Variants in ABHD2 observed in about 807,000 individuals in gnomAD.
ABHD2 encodes monoacylglycerol lipase ABHD2.
In ABHD2, 20 loss-of-function variants were observed where a neutral mutation model predicts 48.1. The ratio of observed to expected loss-of-function variants is 0.42; its 90% CI spans 0.29 to 0.60. The LOEUF is 0.60. Among genes scored for constraint, ABHD2 ranks in the 20% least tolerant of loss-of-function variants. The pLI is 0.24. For synonymous variants in ABHD2, 209 were observed against 214.2 expected (o/e 0.98, Z 0.21); for missense variants, 405 against 550.9 (o/e 0.74, Z 2.65).
Position 89,120,670 on chromosome 15 carries a change from A to G in ABHD2, c.194+4149A>G, listed in dbSNP as rs1372303982. ...CCCAGCTAATTTTTGTATTTTTAATAGAGATGGGGTTTCACCCTGTTGGTC... is the reference window on the plus strand; with the variant it reads ...CCCAGCTAATTTTTGTATTTTTAATGGAGATGGGGTTTCACCCTGTTGGTC... On this transcript the variant is annotated intron_variant, in intron 3 of 10. Transcript: ENST00000352732. The surrounding 1 kb of genome is among the most constrained non-coding windows in gnomAD (Gnocchi z 4.2). The G allele has an allele frequency of 6.6e-6, 1 of 152,108 alleles. No individual in the cohort carries two copies. The highest frequency in any genetic ancestry group is 1.5e-5 in the Non-Finnish European group (1 of 68,040). The allele number at this position is 152,108 out of a possible 1,614,324, so 9.4% of individuals were successfully genotyped here. A position where few individuals can be genotyped will look rare whatever the true frequency, so the allele number is the denominator to read the frequency against.
rs147854994 is a variant in ABHD2 at position 89,151,244 on chromosome 15, T to A, written c.195-433T>A. 4.7e-4 allele frequency among the ~76,000 whole-genome samples: 72 copies of A among 152,368 alleles called. No individual in the cohort carries two copies. The East Asian group carries it at 0.013, about 28-fold the overall frequency. ...TGGAGTAACCACTACAGCTGTGGCCTGTCTCGTTAGGGAAAGAAGAAGTGA... is the reference window on the plus strand; with the variant it reads ...TGGAGTAACCACTACAGCTGTGGCCAGTCTCGTTAGGGAAAGAAGAAGTGA... On this transcript the variant is annotated intron_variant, in intron 3 of 10. Transcript: ENST00000352732. This position sits in a 1 kb window ranked among gnomAD's most constrained non-coding sequence, Gnocchi z 4.7.
intron 6 of ABHD2, among the ~76,000 whole-genome samples, chr15:89,181,929 AAC>A (rs923155526): frequency 6.6e-6 from 1 of 152,216 alleles, no homozygotes; most frequent in African/African-American, 2.4e-5. Context: ...TGCCTTCCGC[AAC>A]ACCTCTTAAA....
Position 89,176,079 on chromosome 15 carries a change from A to G in ABHD2, c.722+84A>G. On this transcript the variant is annotated intron_variant, in intron 6 of 10. Transcript: ENST00000352732. This position sits in a 1 kb window ranked among gnomAD's most constrained non-coding sequence, Gnocchi z 4.5. ...CCGACGCACAACACACTGTTCTGTG[A>G]AGACCGGGGAACACTGTGGCCGACT... 4.3e-6 allele frequency: 6 copies of G among 1,388,418 alleles called. No homozygotes were observed. In the East Asian group the frequency reaches 1.4e-4, roughly 33 times the overall value. 86.0% of individuals were successfully genotyped at this position (1,388,418 alleles called of 1,614,324 possible).
At chr15:89,066,582 C>T in the ABHD2 span, among the ~76,000 whole-genome samples, 2 of 152,122 alleles carry the variant, frequency 1.3e-5, no homozygotes, top group Non-Finnish European at 2.9e-5. Flanking sequence ...CAACCCAATA[C>T]CTTGGGCATC....
At chr15:89,071,089 A>G in the ABHD2 span, among the ~76,000 whole-genome samples, 1 of 152,066 alleles carries the variant, frequency 6.6e-6, no homozygotes, top group African/African-American at 2.4e-5. Flanking sequence ...CACCAGGTTC[A>G]AGAGGTCAAA....
Position 89,167,359 on chromosome 15 carries a change from T to C in ABHD2, c.539-8453T>C, listed in dbSNP as rs980851007. Among the ~76,000 whole-genome samples, 1 of 151,972 alleles carries C rather than the reference T, an allele frequency of 6.6e-6. No individual in the cohort carries two copies. The highest frequency in any genetic ancestry group is 2.4e-5 in the African/African-American group (1 of 41,364). On this transcript the variant is annotated intron_variant, in intron 5 of 10. Coordinates refer to ENST00000352732, the MANE Select transcript of ABHD2 (RefSeq NM_152924.5). The surrounding 1 kb of genome is among the most constrained non-coding windows in gnomAD (Gnocchi z 5.5). ...ACAATGGGAAGGGAGGAGGAAGAGA[T>C]GGGTGAAGGGAGAGAGAGAATGTGA...
chr15:89,145,781 G>C (rs748666139), intron 3 of ABHD2, among the ~76,000 whole-genome samples: 2 of 151,786 alleles, frequency 1.3e-5, no homozygotes, highest in African/African-American at 2.4e-5. Context: ...TGAGTAGGGT[G>C]GGGGGACACT....
At position 89,114,443 on chromosome 15, in the gene ABHD2, G is replaced by A. The variant is rs1344078291; in HGVS notation, c.-7+619G>A. On this transcript the variant is annotated intron_variant, in intron 2 of 10. Transcript: ENST00000352732. This position sits in a 1 kb window ranked among gnomAD's most constrained non-coding sequence, Gnocchi z 4.2. ...TCAGGGGATATGACCCCAGGAGTGA[G>A]GAGGAGTGTCACCAGAAGTTAAGTT... Among the ~76,000 whole-genome samples, 1 of 152,074 alleles carries A rather than the reference G, an allele frequency of 6.6e-6. No individual in the cohort carries two copies. The highest frequency in any genetic ancestry group is 2.4e-5 in the African/African-American group (1 of 41,420).
At chr15:89,123,725 G>A (rs1207022101) in intron 3 of ABHD2, among the ~76,000 whole-genome samples, 1 of 150,030 alleles carries the variant, frequency 6.7e-6, no homozygotes, top group African/African-American at 2.5e-5. Flanking sequence ...AGCCTCACAA[G>A]TGTCTGGAAC....
At position 89,102,048 on chromosome 15, in the gene ABHD2, C is replaced by G. The variant is rs2049709514; in HGVS notation, c.-106-11677C>G. Among the ~76,000 whole-genome samples the G allele has an allele frequency of 6.6e-6, 1 of 152,200 alleles. No individual in the cohort carries two copies. The highest frequency in any genetic ancestry group is 2.1e-4 in the South Asian group (1 of 4,830). ...TGGAATTCCCCTTGTAAGTAAAGCA[C>G]TGAAGCTTCATTCCATAATGACTCA... On this transcript the variant is annotated intron_variant, in intron 1 of 10. Coordinates refer to ENST00000352732, the MANE Select transcript of ABHD2 (RefSeq NM_152924.5). The surrounding 1 kb of genome is among the most constrained non-coding windows in gnomAD (Gnocchi z 4.8).
chr15:89,127,727 A>ATATATATATATATATG (rs2050157002), intron 3 of ABHD2, among the ~76,000 whole-genome samples: 1 of 142,664 alleles, frequency 7.0e-6, no homozygotes, highest in African/African-American at 2.7e-5. Context: ...ATACACATAT[A>ATATATATATATATATG]TATATATATA....
At chr15:89,062,365 G>A in the ABHD2 span, among the ~76,000 whole-genome samples, 1 of 151,766 alleles carries the variant, frequency 6.6e-6, no homozygotes, top group African/African-American at 2.4e-5. Context: ...TTTGTGTGGG[G>A]GGGTGGGTTT....
intron 3 of ABHD2, among the ~76,000 whole-genome samples, chr15:89,141,426 A>G (rs1245138962): frequency 6.6e-6 from 1 of 152,186 alleles, no homozygotes; most frequent in Non-Finnish European, 1.5e-5. Flanking sequence ...TGAGGTAAGG[A>G]CTTCAAGACC....
chr15:89,135,475 TAAAAGG>T, intron 3 of ABHD2: 1 of 789,892 alleles, frequency 1.3e-6, no homozygotes, highest in Non-Finnish European at 2.1e-6. Context: ...TTTTTTTCTT[TAAAAGG>T]AGTGAGTTAT....
chr15:89,141,370 A>G (rs2050399512), intron 3 of ABHD2, among the ~76,000 whole-genome samples: 1 of 152,074 alleles, frequency 6.6e-6, no homozygotes, highest in African/African-American at 2.4e-5. Context: ...TGTGGCTCAC[A>G]CCTGTTAATC....
At chr15:89,099,641 G>A (rs898903643) in intron 1 of ABHD2, among the ~76,000 whole-genome samples, 3 of 150,460 alleles carry the variant, frequency 2.0e-5, no homozygotes, top group African/African-American at 2.5e-5. Context: ...AATAAAAGGC[G>A]GGGTGCAGTA....
chr15:89,063,873 A>G, the ABHD2 span, among the ~76,000 whole-genome samples: 1 of 152,090 alleles, frequency 6.6e-6, no homozygotes, highest in Non-Finnish European at 1.5e-5. Flanking sequence ...TGTTTTCAGC[A>G]TGAAACTGTT....
intron 3 of ABHD2, among the ~76,000 whole-genome samples, chr15:89,148,771 T>C (rs375417963): frequency 6.6e-6 from 1 of 152,204 alleles, no homozygotes; most frequent in East Asian, 1.9e-4. Flanking sequence ...ATGGAATAAG[T>C]GGAATTATTG....
intron 3 of ABHD2, among the ~76,000 whole-genome samples, chr15:89,138,901 C>G (rs1397129973): frequency 2.6e-5 from 4 of 151,308 alleles, no homozygotes; most frequent in Non-Finnish European, 4.4e-5. Context: ...GGGGAAGACA[C>G]CATTGCTCAG....
Sources: gnomAD v4.1 joint callset for allele counts (sites outside exome capture counted in the v4.1 genomes callset) on GRCh38, gnomAD v4.1.1 for gene constraint, Gnocchi (gnomAD v3.1) non-coding constraint, MANE v1.5 for transcripts, NCBI Gene and HGNC (gene_info 2026-07-23, HGNC 2026-07-21) for gene names.